The following AAR2 variants were observed in gnomAD, a reference collection of about 807,000 sequenced individuals.
AAR2 encodes protein AAR2 homolog.
Under a neutral mutation model 26.9 loss-of-function variants are expected in AAR2, and 31 were observed. That is an observed-to-expected ratio of 1.15 (90% confidence interval 0.86 to 1.55). The LOEUF (loss-of-function observed/expected upper bound fraction) is 1.55, where lower values mean the gene tolerates loss of function less well. Ranked by LOEUF, AAR2 falls within the 40% of genes most tolerant of loss-of-function variation. The pLI is 0.00. For synonymous variants in AAR2, 188 were observed against 196.1 expected, an observed-to-expected ratio of 0.96 and a Z score of 0.34; for missense variants, 430 against 491.3, an observed-to-expected ratio of 0.88 and a Z score of 1.18.
In AAR2 at chr20:36,255,608, G is replaced by C; in HGVS notation, c.1018G>C (p.Val340Leu). 6.2e-7 allele frequency: 1 copy of C among 1,614,190 alleles called. No homozygotes were observed. The highest frequency in any genetic ancestry group is 1.6e-4 in the Middle Eastern group (1 of 6,062). ...VFFSSACSIA[V>L]DATLRKKAEK... The stretch of plus-strand genomic sequence containing the variant: ...CTTTTCCTCTGCCTGCAGCATTGCC[G>C]TGGATGCCACCCTGAGAAAGAAAGC... The change falls in exon 4 of 4, where the codon GTG becomes CTG. Residue 340 changes from valine (V) to leucine (L), a missense_variant. Coordinates refer to ENST00000320849, the MANE Select transcript of AAR2 (RefSeq NM_001271874.2).
intron 2 of AAR2, 67 bp downstream of exon 2, chr20:36,240,692 A>G (rs941733768): frequency 8.4e-5 from 129 of 1,531,758 alleles, no homozygotes; most frequent in Non-Finnish European, 1.0e-4. Context: ...GTTTTGGAAT[A>G]GGGAGTACAT....
At chr20:36,243,755 T>C (rs2064706594) in intron 2 of AAR2, among the ~76,000 whole-genome samples, 1 of 152,218 alleles carries the variant, frequency 6.6e-6, no homozygotes, top group African/African-American at 2.4e-5. Context: ...ACATGTACTA[T>C]ATCCATTCAT....
chr20:36,253,935 A>G (rs2064799788), intron 3 of AAR2, among the ~76,000 whole-genome samples: 1 of 152,220 alleles, frequency 6.6e-6, no homozygotes, highest in African/African-American at 2.4e-5. Context: ...AAACACACAG[A>G]GAAAATAACA....
At chr20:36,243,079 C>T (rs6119710) in intron 2 of AAR2, among the ~76,000 whole-genome samples, 1 of 152,080 alleles carries the variant, frequency 6.6e-6, no homozygotes, top group African/African-American at 2.4e-5. Context: ...TCTCAAACTC[C>T]TGAACTCAAG....
In AAR2 at chr20:36,240,206, C is replaced by T; in HGVS notation, c.338C>T (p.Ala113Val). 1 of 1,614,190 alleles carries T rather than the reference C, an allele frequency of 6.2e-7. No individual in the cohort carries two copies. Among genetic ancestry groups the T allele is most frequent in the Non-Finnish European group, 8.5e-7 (1 of 1,180,020 alleles). ...APESEVEAMR[A>V]NLQELDQFLG... is the part of the protein sequence containing the mutation. ...GAGTCTGAGGTGGAGGCCATGAGGG[C>T]CAACCTCCAGGAGCTGGACCAGTTC... The change falls in exon 2 of 4, where the codon GCC becomes GTC. Residue 113 changes from alanine (A) to valine (V), a missense_variant. Ala to Val is a moderately conservative substitution (Grantham distance 64). Transcript: ENST00000320849.
chr20:36,238,660 G>A (rs1055604323), intron 1 of AAR2, among the ~76,000 whole-genome samples: 12 of 151,246 alleles, frequency 7.9e-5, no homozygotes, highest in African/African-American at 2.9e-4. Context: ...GGAGGCTGAG[G>A]CACAAGAATT....
intron 3 of AAR2, among the ~76,000 whole-genome samples, chr20:36,250,978 C>G (rs2064775740): frequency 1.3e-5 from 2 of 152,148 alleles, no homozygotes; most frequent in African/African-American, 4.8e-5. Context: ...GCGTGGATCA[C>G]TTGAGCCCAG....
chr20:36,244,824 C>G lies in AAR2; in HGVS notation c.885C>G (p.Tyr295Ter), dbSNP rs138478673. Residue 295 changes from tyrosine to a stop codon, truncating the protein, a stop_gained, in exon 3 of 4, where the codon TAC becomes TAG. Coordinates refer to ENST00000320849, the MANE Select transcript of AAR2 (RefSeq NM_001271874.2). LOFTEE classifies it high-confidence loss of function. ...CCATGATGAAGCACCACACCCTCTA[C>G]ATCAACCTCATCTCCATCCTGTACC... Reference protein sequence around the residue: ...EAAMMKHHTLYINLISILYHQ... With the variant: ...EAAMMKHHTL 4 of 1,614,214 alleles carry G rather than the reference C, an allele frequency of 2.5e-6. No homozygotes were observed. The highest frequency in any genetic ancestry group is 3.4e-6 in the Non-Finnish European group (4 of 1,180,044).
At chr20:36,253,992 G>A (rs762647506) in intron 3 of AAR2, among the ~76,000 whole-genome samples, 11 of 152,210 alleles carry the variant, frequency 7.2e-5, no homozygotes, top group Admixed American at 6.5e-4. Context: ...TGCATTGCTG[G>A]TGGGAATATA....
rs191758913 is a variant in AAR2, at chr20:36,252,372, C to T, written c.988-3206C>T. 4.9e-4 allele frequency among the ~76,000 whole-genome samples: 75 copies of T among 152,192 alleles called. 1 individual carries two copies. Among genetic ancestry groups the T allele is most frequent in the South Asian group, 2.9e-3 (14 of 4,814 alleles). On this transcript the variant is annotated intron_variant, in intron 3 of 3. Transcript: ENST00000320849. ...CGGGCGCTGTGCCGAGAGTGGAGCA[C>T]GGTGTGAAAGAGCCGCTGCTGTGAG...
At chr20:36,248,155 T>A (rs749430599) in intron 3 of AAR2, among the ~76,000 whole-genome samples, 2 of 152,098 alleles carry the variant, frequency 1.3e-5, no homozygotes. Context: ...TCTGTCTCAA[T>A]CTCTGTCTCT....
At chr20:36,236,658 C>T (rs1601169858) in intron 1 of AAR2, 155 bp downstream of exon 1, 1 of 152,374 alleles carries the variant, frequency 6.6e-6, no homozygotes, top group African/African-American at 2.4e-5. Flanking sequence ...GCTGGTGTCT[C>T]TGGAGGCCCT....
chr20:36,239,648 T>A (rs2064654200), intron 1 of AAR2, among the ~76,000 whole-genome samples, 173 bp from the exon 2 acceptor site: 1 of 152,206 alleles, frequency 6.6e-6, no homozygotes, highest in Non-Finnish European at 1.5e-5. Context: ...ACAAAAATCC[T>A]TTCCTTTAAT....
chr20:36,236,840 T>A (rs1419737104), intron 1 of AAR2: 2 of 152,266 alleles, frequency 1.3e-5, no homozygotes, highest in East Asian at 3.8e-4. Flanking sequence ...GATATCATAC[T>A]TGTATTAAAT....
chr20:36,253,067 C>T (rs760686771), intron 3 of AAR2, among the ~76,000 whole-genome samples: 11 of 151,958 alleles, frequency 7.2e-5, no homozygotes, highest in Non-Finnish European at 1.3e-4. Context: ...GATTCTGTAC[C>T]GCCCCCCTTC....
chr20:36,238,134 A>G (rs1160951282), intron 1 of AAR2, among the ~76,000 whole-genome samples: 1 of 152,116 alleles, frequency 6.6e-6, no homozygotes. Flanking sequence ...TATGACTGTG[A>G]CCTACAGTAA....
rs772345367 is a variant in AAR2 at position 36,240,515 on chromosome 20, T to C, written c.647T>C (p.Phe216Ser). The C allele has an allele frequency of 6.2e-7, 1 of 1,614,026 alleles. No homozygotes were observed. Among genetic ancestry groups the C allele is most frequent in the Non-Finnish European group, 8.5e-7 (1 of 1,180,032 alleles). The change falls in exon 2 of 4, where the codon TTC (phenylalanine) becomes TCC (serine). Residue 216 changes from phenylalanine (F) to serine (S), a missense_variant. By Grantham distance (155) the Phe-to-Ser change is radical. Transcript: ENST00000320849. ...TTCTCAGAGCTGCCCACGCAGATGT[T>C]CCCAGAGGGTGCCACGCCAGCTGAG... ...IRFSELPTQM[F>S]PEGATPAEIT...
At position 36,236,522 on chromosome 20, in the gene AAR2, C is replaced by G. The variant is rs2064606627; in HGVS notation, c.-49+19C>G. On this transcript the variant is annotated intron_variant, in intron 1 of 3. Transcript: ENST00000320849. ...CGAGGCGGTGAGTGTGGCCTCCTGG[C>G]CTCTTTTTCCTTTCCTGATTCCTTG... 1 of 152,278 alleles carries G rather than the reference C, an allele frequency of 6.6e-6. No homozygotes were observed. The highest frequency in any genetic ancestry group is 1.5e-5 in the Non-Finnish European group (1 of 68,070). 9.4% of individuals were successfully genotyped at this position (152,278 alleles called of 1,614,324 possible).
At chr20:36,250,060 G>C (rs1398070780) in intron 3 of AAR2, among the ~76,000 whole-genome samples, 1 of 152,056 alleles carries the variant, frequency 6.6e-6, no homozygotes, top group African/African-American at 2.4e-5. Flanking sequence ...CATCTTTTTG[G>C]TCTAGCTAAA....
Sources: allele counts gnomAD v4.1 joint callset (sites outside exome capture counted in the v4.1 genomes callset), GRCh38; gene constraint gnomAD v4.1.1; transcripts MANE v1.5; gene names NCBI Gene and HGNC (gene_info 2026-07-23, HGNC 2026-07-21).